The following PARD3 variants were observed in gnomAD, a reference collection of about 807,000 sequenced individuals.
The protein encoded by PARD3 is partitioning defective 3 homolog.
PARD3 carries 75 observed loss-of-function variants against 155.4 expected under a neutral mutation model. The observed-to-expected ratio is 0.48, with a 90% CI of 0.40 to 0.58. The LOEUF is 0.58. Among genes scored for constraint, PARD3 ranks in the 20% least tolerant of loss-of-function variants. PARD3 has a pLI of 0.00. For missense variants in PARD3, 1,642 were observed against 1,721.7 expected (o/e 0.95, Z 0.82); for synonymous variants, 576 against 610.5 (o/e 0.94, Z 0.83).
At chr10:34,601,152 G>A (rs903671188) in intron 2 of PARD3, among the ~76,000 whole-genome samples, 6 of 151,668 alleles carry the variant, frequency 4.0e-5, no homozygotes, top group East Asian at 1.9e-4. Context: ...CAGGCACAGC[G>A]GCTCACCCTT....
At chr10:34,301,188 C>A (rs1012743338) in intron 20 of PARD3, among the ~76,000 whole-genome samples, 1 of 152,132 alleles carries the variant, frequency 6.6e-6, no homozygotes, top group Non-Finnish European at 1.5e-5. Flanking sequence ...GAGATGCTAG[C>A]CACACCTGCA....
chr10:34,657,498 T>A (rs1209090197), intron 2 of PARD3, among the ~76,000 whole-genome samples: 1 of 151,988 alleles, frequency 6.6e-6, no homozygotes, highest in Non-Finnish European at 1.5e-5. Flanking sequence ...AATTAACACA[T>A]CACTGTCACC....
chr10:34,426,362 T>C (rs182158035), intron 5 of PARD3, among the ~76,000 whole-genome samples: 8 of 152,282 alleles, frequency 5.3e-5, no homozygotes, highest in Non-Finnish European at 7.4e-5. Context: ...GTTAAACAAC[T>C]GAAAACACAG....
At position 34,620,757 on chromosome 10, in the gene PARD3, C is replaced by T. The variant is rs115782337; in HGVS notation, c.222+75561G>A. Among the ~76,000 whole-genome samples, 797 of 152,232 alleles carry T rather than the reference C, an allele frequency of 5.2e-3. 1 individual carries two copies. Among genetic ancestry groups the T allele is most frequent in the African/African-American group, 0.018 (747 of 41,556 alleles). ...AAAAAGAAGTGGGAAATTTCTTAGTCAAAAAGTTGAATCACTAACAATGAA... is the reference window on the plus strand; with the variant it reads ...AAAAAGAAGTGGGAAATTTCTTAGTTAAAAAGTTGAATCACTAACAATGAA... On this transcript the variant is annotated intron_variant, in intron 2 of 24. Coordinates refer to ENST00000374788, the MANE Select transcript of PARD3 (RefSeq NM_001184785.2).
intron 3 of PARD3, among the ~76,000 whole-genome samples, chr10:34,504,947 T>C (rs2080962299): frequency 6.6e-6 from 1 of 152,146 alleles, no homozygotes; most frequent in South Asian, 2.1e-4. Context: ...GCTTTCATGC[T>C]GACAAAATAA....
intron 5 of PARD3, among the ~76,000 whole-genome samples, chr10:34,406,409 A>G (rs1283889650): frequency 6.6e-6 from 1 of 152,230 alleles, no homozygotes; most frequent in Non-Finnish European, 1.5e-5. Flanking sequence ...GGGAAGTCCT[A>G]GAACACGGGA....
chr10:34,553,942 C>T (rs1397221467), intron 2 of PARD3, among the ~76,000 whole-genome samples: 1 of 152,182 alleles, frequency 6.6e-6, no homozygotes, highest in Non-Finnish European at 1.5e-5. Flanking sequence ...TACTGCTAGA[C>T]TAGTGATGCA....
At chr10:34,761,012 T>C (rs1837377821) in intron 1 of PARD3, among the ~76,000 whole-genome samples, 1 of 152,172 alleles carries the variant, frequency 6.6e-6, no homozygotes, top group Admixed American at 6.5e-5. Flanking sequence ...TTTCTTTATA[T>C]ATGATCCTGT....
At chr10:34,761,850 C>G (rs1837484010) in intron 1 of PARD3, among the ~76,000 whole-genome samples, 1 of 152,108 alleles carries the variant, frequency 6.6e-6, no homozygotes, top group Admixed American at 6.6e-5. Context: ...TTATGTATAT[C>G]ATGATAAACG....
intron 22 of PARD3, among the ~76,000 whole-genome samples, chr10:34,201,079 G>A (rs919112713): frequency 6.6e-6 from 1 of 152,144 alleles, no homozygotes; most frequent in African/African-American, 2.4e-5. Context: ...CTTGGAATAC[G>A]AAAGGCATGG....
At chr10:34,264,402 T>A (rs910959690) in intron 22 of PARD3, among the ~76,000 whole-genome samples, 1 of 152,210 alleles carries the variant, frequency 6.6e-6, no homozygotes, top group Non-Finnish European at 1.5e-5. Flanking sequence ...AGCATCTGTA[T>A]TCAGAACGGT....
chr10:34,740,810 A>G (rs2094995703), intron 1 of PARD3, among the ~76,000 whole-genome samples: 1 of 152,230 alleles, frequency 6.6e-6, no homozygotes, highest in South Asian at 2.1e-4. Flanking sequence ...AAAAATTGAT[A>G]AAGCCTACTA....
At chr10:34,452,067 G>C (rs56206712) in intron 4 of PARD3, among the ~76,000 whole-genome samples, 1 of 151,886 alleles carries the variant, frequency 6.6e-6, no homozygotes, top group Non-Finnish European at 1.5e-5. Context: ...CTTATGTGTC[G>C]ACAAAGAGAA....
rs560182747 is a variant in PARD3, at chr10:34,455,935, T to A, written c.583-5487A>T. On this transcript the variant is annotated intron_variant, in intron 4 of 24. Transcript: ENST00000374788. ...ATATTATCTGTAATTCCTAAGCCAG[T>A]ATCCAGCACATAATCAGCACTGGTA... is the stretch of plus-strand genomic sequence containing the variant. 1.6e-4 allele frequency among the ~76,000 whole-genome samples: 25 copies of A among 152,352 alleles called. No individual in the cohort carries two copies. The Middle Eastern group carries it at 0.01, about 62-fold the overall frequency.
rs549326449 is a variant in PARD3, at chr10:34,695,063, C to A, written c.222+1255G>T. ...ACGATGTAACCTAGCTGGTTAAATA[C>A]CCTGTGCAGGGAGGTTTTAGGAGAC... On this transcript the variant is annotated intron_variant, in intron 2 of 24. Coordinates refer to ENST00000374788, the MANE Select transcript of PARD3 (RefSeq NM_001184785.2). 3.7e-4 allele frequency among the ~76,000 whole-genome samples: 27 copies of A among 73,122 alleles called. No homozygotes were observed. In the South Asian group the frequency reaches 8.5e-3, roughly 23 times the overall value. 48.0% of individuals were successfully genotyped at this position (73,122 alleles called of 152,430 possible).
Position 34,248,100 on chromosome 10 carries a change from G to C in PARD3, c.3419+21557C>G, listed in dbSNP as rs572832195. 5.3e-5 allele frequency among the ~76,000 whole-genome samples: 8 copies of C among 152,258 alleles called. No individual in the cohort carries two copies. In the South Asian group the frequency reaches 1.7e-3, roughly 32 times the overall value. ...TCCAATGACTGATGAAAGATAATCTGCATTTTATCCCTTAAGATGGGTGTT... is the reference window on the plus strand; with the variant it reads ...TCCAATGACTGATGAAAGATAATCTCCATTTTATCCCTTAAGATGGGTGTT... On this transcript the variant is annotated intron_variant, in intron 22 of 24. Transcript: ENST00000374788.
intron 2 of PARD3, among the ~76,000 whole-genome samples, chr10:34,540,446 T>G (rs2133877200): frequency 6.6e-6 from 1 of 152,148 alleles, no homozygotes; most frequent in African/African-American, 2.4e-5. Flanking sequence ...AATACAAAGA[T>G]ATAAGTATAC....
chr10:34,722,214 ATATT>A (rs1484823261), intron 1 of PARD3, among the ~76,000 whole-genome samples: 1 of 151,868 alleles, frequency 6.6e-6, no homozygotes, highest in African/African-American at 2.4e-5. Flanking sequence ...TTTGAGACAT[ATATT>A]TATATATTTT....
intron 5 of PARD3, among the ~76,000 whole-genome samples, chr10:34,407,490 T>C (rs11009774): frequency 0.041 from 6,199 of 152,314 alleles, 407 homozygotes; most frequent in African/African-American, 0.14. Flanking sequence ...GAGAAGCCAG[T>C]GTCTCTTGGA....
Sources: gnomAD v4.1 joint callset for allele counts (sites outside exome capture counted in the v4.1 genomes callset) on GRCh38, gnomAD v4.1.1 for gene constraint, MANE v1.5 for transcripts, NCBI Gene and HGNC (gene_info 2026-07-23, HGNC 2026-07-21) for gene names.